THAP8: variants seen among roughly 807,000 people sequenced by gnomAD.
THAP8 encodes the protein THAP domain containing 8.
In THAP8, 24 loss-of-function variants were observed where a neutral mutation model predicts 25.0. That is an observed-to-expected ratio of 0.96 (90% confidence interval 0.69 to 1.35). The LOEUF (loss-of-function observed/expected upper bound fraction) is 1.35. Among genes scored for constraint, THAP8 ranks in the 40% most tolerant of loss-of-function variants. THAP8 has a pLI of 0.00. For synonymous variants in THAP8, 169 were observed against 157.6 expected (o/e 1.07, Z -0.54); for missense variants, 399 against 368.8 (o/e 1.08, Z -0.67).
chr19:36,053,498 T>C (rs1970148632), intron 1 of THAP8, among the ~76,000 whole-genome samples: 1 of 141,640 alleles, frequency 7.1e-6, no homozygotes, highest in African/African-American at 2.7e-5. Flanking sequence ...GAGGTTGCAG[T>C]GAGCTGTGAT....
At position 36,035,364 on chromosome 19, in the gene THAP8, T is replaced by C. The variant is rs1423450997; in HGVS notation, c.*76A>G. On this transcript the variant is annotated 3_prime_UTR_variant, in exon 4 of 4. Transcript: ENST00000292894. ...ACTACCCAGGCGTGGGCGGTGGGGC[T>C]GGGCCAAGCCCACGTATAATGTCTT... 1.2e-5 allele frequency: 18 copies of C among 1,544,244 alleles called. No individual in the cohort carries two copies. The highest frequency in any genetic ancestry group is 8.8e-7 in the Non-Finnish European group (1 of 1,139,578).
intron 1 of THAP8, among the ~76,000 whole-genome samples, chr19:36,044,004 T>TGCCACTTATTCCCAGC (rs1410503424): frequency 6.6e-6 from 1 of 152,164 alleles, no homozygotes; most frequent in Non-Finnish European, 1.5e-5. Context: ...GGTTTCCGGG[T>TGCCACTTATTCCCAGC]GCCACTTATT....
intron 1 of THAP8, among the ~76,000 whole-genome samples, chr19:36,053,716 C>A (rs1356817052): frequency 1.3e-5 from 2 of 152,086 alleles, no homozygotes; most frequent in African/African-American, 4.8e-5. Flanking sequence ...TTTTTTAAAC[C>A]TAAGCAACAA....
intron 2 of THAP8, 98 bp downstream of exon 2, chr19:36,039,846 C>G (rs1440211109): frequency 1.3e-6 from 2 of 1,579,086 alleles, no homozygotes; most frequent in East Asian, 4.5e-5. Flanking sequence ...GAAGTGTCGT[C>G]AGGAGGGGAG....
intron 1 of THAP8, among the ~76,000 whole-genome samples, chr19:36,051,349 T>C (rs1035019424): frequency 2.6e-5 from 4 of 152,140 alleles, no homozygotes; most frequent in African/African-American, 9.7e-5. Context: ...CAGGCCTGCT[T>C]TCTACCTGTT....
At chr19:36,054,295 C>G, upstream of THAP8, 1 of 1,513,180 alleles carries the variant, frequency 6.6e-7, no homozygotes, top group Non-Finnish European at 9.0e-7. Context: ...TAACCCCGCC[C>G]CACCCGCGCT....
chr19:36,043,820 G>A (rs754717915), intron 1 of THAP8, among the ~76,000 whole-genome samples: 45 of 152,140 alleles, frequency 3.0e-4, no homozygotes, highest in Non-Finnish European at 7.3e-5. Flanking sequence ...CCTGGGAGGT[G>A]GAAGTTGCAG....
At chr19:36,036,298 CAG>C (rs1213856297) in intron 3 of THAP8, among the ~76,000 whole-genome samples, 1 of 106,418 alleles carries the variant, frequency 9.4e-6, no homozygotes, top group African/African-American at 4.1e-5. Context: ...TTTTTTGAGA[CAG>C]AGTCTCACAG....
intron 1 of THAP8, among the ~76,000 whole-genome samples, chr19:36,042,764 C>CT (rs1391860065): frequency 6.6e-6 from 1 of 151,798 alleles, no homozygotes; most frequent in Non-Finnish European, 1.5e-5. Context: ...TTTATTTAGT[C>CT]TTTTTTTTGG....
chr19:36,043,540 G>A (rs747209158), intron 1 of THAP8, among the ~76,000 whole-genome samples: 4 of 152,116 alleles, frequency 2.6e-5, no homozygotes, highest in Non-Finnish European at 5.9e-5. Context: ...GATCAAAATG[G>A]TAGATTTTAT....
In THAP8 at chr19:36,035,590, T is replaced by G; in HGVS notation, c.675A>C (p.Thr225=). ...ARARRGLQRL[T]TAQTLGPEES... ...CCTCAGGTCCAAGGGTCTGGGCTGT[T>G]GTCTAAGGCAAAGAAGTGGTAGAGA... The change falls in exon 4 of 4, where the codon ACA becomes ACC. Residue 225 remains threonine (T), a splice_region_variant and synonymous_variant. Coordinates refer to ENST00000292894, the MANE Select transcript of THAP8 (RefSeq NM_152658.3). 1.2e-6 allele frequency: 2 copies of G among 1,613,074 alleles called. No individual in the cohort carries two copies. The highest frequency in any genetic ancestry group is 1.7e-6 in the Non-Finnish European group (2 of 1,179,380).
chr19:36,036,950 A>C, intron 3 of THAP8, among the ~76,000 whole-genome samples: 1 of 110,092 alleles, frequency 9.1e-6, no homozygotes, highest in African/African-American at 3.2e-5. Flanking sequence ...CAAAAAAAAA[A>C]AAAAAAAAAA....
At position 36,039,342 on chromosome 19, in the gene THAP8, C is replaced by A; in HGVS notation, c.653G>T (p.Arg218Leu). The stretch of plus-strand genomic sequence containing the variant: ...ACTCACCAGGCGCTGCAGACCCCGG[C>A]GTGCCCGTGCCAGCAGGCTCTCCCC... ...LHGESLLARA[R>L]RGLQRLTTAQ... Residue 218 changes from arginine to leucine, a missense_variant, in exon 3 of 4, where the codon CGC becomes CTC. By Grantham distance (102) the Arg-to-Leu change is moderately radical (BLOSUM62 -2). Transcript: ENST00000292894. 6.6e-7 allele frequency: 1 copy of A among 1,520,378 alleles called. No homozygotes were observed. The allele number at this position is 1,520,378 out of a possible 1,614,324, so 94.2% of individuals were successfully genotyped here. A position where few individuals can be genotyped will look rare whatever the true frequency, so the allele number is the denominator to read the frequency against.
intron 1 of THAP8, among the ~76,000 whole-genome samples, chr19:36,052,879 T>C (rs1274119822): frequency 1.3e-5 from 2 of 152,150 alleles, no homozygotes; most frequent in African/African-American, 4.8e-5. Context: ...CAGTAGACAC[T>C]CAAAGGATGG....
upstream of THAP8, chr19:36,054,705 C>T (rs1970242532): frequency 3.4e-6 from 2 of 592,550 alleles, no homozygotes; most frequent in African/African-American, 1.9e-5. Context: ...ATAATGAAAA[C>T]GCAGTCTGGA....
intron 1 of THAP8, among the ~76,000 whole-genome samples, chr19:36,043,390 A>G (rs1390238710): frequency 6.6e-6 from 1 of 152,140 alleles, no homozygotes; most frequent in Non-Finnish European, 1.5e-5. Context: ...GGTTGCCAAG[A>G]GCCTGGGGGA....
intron 3 of THAP8, among the ~76,000 whole-genome samples, chr19:36,037,971 G>A (rs895432051): frequency 4.6e-5 from 7 of 151,610 alleles, no homozygotes; most frequent in Admixed American, 2.6e-4. Context: ...TTGAGATGGC[G>A]TCTCGCTCTG....
chr19:36,045,974 A>T (rs775912265), intron 1 of THAP8: 36 of 420,696 alleles, frequency 8.6e-5, no homozygotes, highest in South Asian at 2.0e-4. Flanking sequence ...CTAATAGTGT[A>T]ATAAAGGGAG....
chr19:36,039,309 G>A lies in THAP8; in HGVS notation c.672+14C>T, dbSNP rs1197724005. 6.9e-7 allele frequency: 1 copy of A among 1,453,404 alleles called. No individual in the cohort carries two copies. Among genetic ancestry groups the A allele is most frequent in the South Asian group, 1.4e-5 (1 of 71,312 alleles). 90.0% of individuals were successfully genotyped at this position (1,453,404 alleles called of 1,614,324 possible). ...CACCCATGGATGGGGCTGCCAGGCTGGGGTGCCACTCACCAGGCGCTGCAG... is the reference window on the plus strand; with the variant it reads ...CACCCATGGATGGGGCTGCCAGGCTAGGGTGCCACTCACCAGGCGCTGCAG... On this transcript the variant is annotated intron_variant, in intron 3 of 3. Coordinates refer to ENST00000292894, the MANE Select transcript of THAP8 (RefSeq NM_152658.3).
Sources: gnomAD v4.1 joint callset for allele counts (sites outside exome capture counted in the v4.1 genomes callset) on GRCh38, gnomAD v4.1.1 for gene constraint, MANE v1.5 for transcripts, NCBI Gene and HGNC (gene_info 2026-07-23, HGNC 2026-07-21) for gene names.